Variants in CACNB2 observed in about 807,000 individuals in gnomAD.
The protein encoded by CACNB2 is voltage-dependent L-type calcium channel subunit beta-2.
CACNB2 carries 42 observed loss-of-function variants against 73.3 expected under a neutral mutation model. That is an observed-to-expected ratio of 0.57 (90% CI 0.45 to 0.74). CACNB2 has a LOEUF of 0.74. Among genes scored for constraint, CACNB2 ranks in the 30% least tolerant of loss-of-function variants. The pLI is 0.00. For synonymous variants in CACNB2, 348 were observed against 310.3 expected (o/e 1.12, Z -1.28); for missense variants, 940 against 853.0 (o/e 1.10, Z -1.27).
rs149569354 is a variant in CACNB2 at position 18,288,529 on chromosome 10, A to G, written c.214-113395A>G. ...TTGCAGAAAATTTTAACTGAAAATTATATTCAAAATACTGTTTTCAATTTC... is the reference window on the plus strand; with the variant it reads ...TTGCAGAAAATTTTAACTGAAAATTGTATTCAAAATACTGTTTTCAATTTC... On this transcript the variant is annotated intron_variant, in intron 2 of 13. Coordinates refer to ENST00000324631, the MANE Select transcript of CACNB2 (RefSeq NM_201596.3). Among the ~76,000 whole-genome samples the G allele has an allele frequency of 1.9e-3, 282 of 152,352 alleles. 1 individual carries two copies. Among genetic ancestry groups the G allele is most frequent in the African/African-American group, 6.3e-3 (263 of 41,576 alleles).
At chr10:18,364,733 G>C (rs892451805) in intron 2 of CACNB2, among the ~76,000 whole-genome samples, 13 of 152,054 alleles carry the variant, frequency 8.5e-5, no homozygotes, top group African/African-American at 3.1e-4. Flanking sequence ...TCTTTTGTGT[G>C]TATCAATTTA....
chr10:18,514,659 T>G (rs1188294581), intron 7 of CACNB2: 1 of 1,139,536 alleles, frequency 8.8e-7, no homozygotes, highest in Non-Finnish European at 1.3e-6. Flanking sequence ...ATTGAGTTCA[T>G]GCATTTCAAA....
intron 3 of CACNB2, among the ~76,000 whole-genome samples, chr10:18,413,294 C>A (rs539093950): frequency 7.9e-5 from 12 of 152,258 alleles, no homozygotes; most frequent in Middle Eastern, 6.8e-3. Context: ...TGTATTGGGA[C>A]CTTTATGTGC....
At chr10:18,261,203 T>G in intron 2 of CACNB2, 2 of 1,549,788 alleles carry the variant, frequency 1.3e-6, no homozygotes. Context: ...ACCGAGGCTG[T>G]GACGAGAAGA....
intron 2 of CACNB2, among the ~76,000 whole-genome samples, chr10:18,158,614 A>G (rs1177856448): frequency 1.3e-5 from 2 of 152,184 alleles, no homozygotes; most frequent in South Asian, 2.1e-4. Context: ...ACTTTGCACA[A>G]ATTTATAGCC....
At chr10:18,337,404 C>G (rs2041051041) in intron 2 of CACNB2, among the ~76,000 whole-genome samples, 1 of 152,104 alleles carries the variant, frequency 6.6e-6, no homozygotes, top group Non-Finnish European at 1.5e-5. Flanking sequence ...GCCCGGCCTA[C>G]TTTTTTCTTT....
At chr10:18,432,460 G>C (rs1163254223) in intron 3 of CACNB2, among the ~76,000 whole-genome samples, 51 of 151,524 alleles carry the variant, frequency 3.4e-4, no homozygotes, top group African/African-American at 1.2e-3. Context: ...CTGTGTGTGT[G>C]TGTGTGTGTG....
intron 2 of CACNB2, among the ~76,000 whole-genome samples, chr10:18,227,893 A>C (rs1362765589): frequency 6.6e-6 from 1 of 152,210 alleles, no homozygotes; most frequent in Non-Finnish European, 1.5e-5. Context: ...ATTAACATCC[A>C]AGATAGAGTC....
chr10:18,410,029 A>AGT (rs1385885050), intron 3 of CACNB2, among the ~76,000 whole-genome samples: 8 of 152,250 alleles, frequency 5.3e-5, no homozygotes, highest in African/African-American at 1.9e-4. Context: ...TCCAATGTCC[A>AGT]GTCAGTGCTG....
chr10:18,221,227 T>A (rs1338350087), intron 2 of CACNB2, among the ~76,000 whole-genome samples: 1 of 152,238 alleles, frequency 6.6e-6, no homozygotes, highest in Admixed American at 6.5e-5. Context: ...AGCGTGACTA[T>A]ATAAATTCGT....
intron 3 of CACNB2, among the ~76,000 whole-genome samples, chr10:18,492,591 A>G (rs1222051718): frequency 7.3e-6 from 1 of 137,730 alleles, no homozygotes; most frequent in East Asian, 2.3e-4. Context: ...ACTTCACTCC[A>G]GCCTGAGTGA....
chr10:18,439,851 G>A (rs961039406), intron 3 of CACNB2, among the ~76,000 whole-genome samples: 1 of 152,156 alleles, frequency 6.6e-6, no homozygotes, highest in African/African-American at 2.4e-5. Context: ...CAGGAACAGA[G>A]TAAACAAAAC....
intron 2 of CACNB2, among the ~76,000 whole-genome samples, chr10:18,165,431 G>A (rs1050596527): frequency 6.6e-6 from 1 of 152,208 alleles, no homozygotes; most frequent in South Asian, 2.1e-4. Context: ...CACAGGTTGA[G>A]GTGCAAAGGC....
chr10:18,450,241 A>G (rs572730269), intron 3 of CACNB2, among the ~76,000 whole-genome samples: 1 of 152,214 alleles, frequency 6.6e-6, no homozygotes, highest in Non-Finnish European at 1.5e-5. Context: ...ATGTTTACTA[A>G]ATCACAGGGT....
chr10:18,514,007 C>T (rs2051029105), intron 6 of CACNB2, among the ~76,000 whole-genome samples: 1 of 152,158 alleles, frequency 6.6e-6, no homozygotes, highest in Admixed American at 6.5e-5. Context: ...TAGCATGAAA[C>T]TGATTCATTC....
chr10:18,324,672 A>G (rs536517953), intron 2 of CACNB2, among the ~76,000 whole-genome samples: 1 of 152,360 alleles, frequency 6.6e-6, no homozygotes, highest in African/African-American at 2.4e-5. Context: ...CCTGGCCAAC[A>G]TGGCGAAACC....
chr10:18,331,628 A>G (rs1312488435), intron 2 of CACNB2, among the ~76,000 whole-genome samples: 1 of 152,070 alleles, frequency 6.6e-6, no homozygotes, highest in Non-Finnish European at 1.5e-5. Context: ...CAGCTCCAGA[A>G]CTGTTGGTTT....
In CACNB2 at chr10:18,220,201, G is replaced by GTGTATATA. The variant is rs1251166931; in HGVS notation, c.213+69227_213+69228insGTATATAT. ...CATATATATACATATATATGTGTGT[G>GTGTATATA]TATATATATATATATATATATATAT... On this transcript the variant is annotated intron_variant, in intron 2 of 13. Transcript: ENST00000324631. Among the ~76,000 whole-genome samples the GTGTATATA allele has an allele frequency of 4.6e-3, 107 of 23,276 alleles. 2 individuals are homozygous for GTGTATATA. Among genetic ancestry groups the GTGTATATA allele is most frequent in the South Asian group, 5.6e-3 (2 of 358 alleles). The allele number at this position is 23,276 out of a possible 152,430, so 15.3% of individuals were successfully genotyped here. A position where few individuals can be genotyped will look rare whatever the true frequency, so the allele number is the denominator to read the frequency against.
At chr10:18,334,740 C>T (rs556071548) in intron 2 of CACNB2, among the ~76,000 whole-genome samples, 2 of 152,170 alleles carry the variant, frequency 1.3e-5, no homozygotes, top group Admixed American at 6.5e-5. Context: ...CCCAATGTCC[C>T]CTGAGGGGTC....
Sources: allele counts gnomAD v4.1 joint callset (sites outside exome capture counted in the v4.1 genomes callset), GRCh38; gene constraint gnomAD v4.1.1; transcripts MANE v1.5; gene names NCBI Gene and HGNC (gene_info 2026-07-23, HGNC 2026-07-21).